The following PRKN variants were observed in gnomAD, a reference collection of about 807,000 sequenced individuals.
The protein encoded by PRKN is E3 ubiquitin-protein ligase parkin.
In PRKN, 56 loss-of-function variants were observed where a neutral mutation model predicts 59.5. The observed-to-expected ratio is 0.94, with a 90% CI of 0.76 to 1.18. PRKN has a LOEUF of 1.18. PRKN is among the 50% of genes most tolerant of loss of function. PRKN has a pLI of 0.00. For synonymous variants in PRKN, 250 were observed against 222.1 expected (o/e 1.13, Z -1.12); for missense variants, 657 against 596.4 (o/e 1.10, Z -1.06).
intron 6 of PRKN, among the ~76,000 whole-genome samples, chr6:161,920,593 T>C (rs1208008494): frequency 6.6e-6 from 1 of 151,946 alleles, no homozygotes; most frequent in African/African-American, 2.4e-5. Context: ...GAGACCATCC[T>C]GGCCAACATG....
At chr6:162,530,981 C>T (rs556530007) in intron 1 of PRKN, among the ~76,000 whole-genome samples, 25 of 143,886 alleles carry the variant, frequency 1.7e-4, no homozygotes, top group South Asian at 6.7e-4. Context: ...TGCTTGAACC[C>T]GGGAGGCGGA....
At chr6:162,305,417 T>G (rs1351352309) in intron 2 of PRKN, among the ~76,000 whole-genome samples, 2 of 152,098 alleles carry the variant, frequency 1.3e-5, no homozygotes, top group Non-Finnish European at 2.9e-5. Flanking sequence ...GCTTTTTTTT[T>G]AAAGTTGTGA....
At chr6:162,166,328 G>A (rs1782988852) in intron 4 of PRKN, among the ~76,000 whole-genome samples, 1 of 152,106 alleles carries the variant, frequency 6.6e-6, no homozygotes, top group Non-Finnish European at 1.5e-5. Flanking sequence ...TGACCCTTTA[G>A]AAGGCAGAAA....
At chr6:162,441,645 CATAA>C (rs1470283950) in intron 2 of PRKN, among the ~76,000 whole-genome samples, 6 of 152,084 alleles carry the variant, frequency 3.9e-5, no homozygotes, top group Admixed American at 2.0e-4. Flanking sequence ...TTTTAGGGCT[CATAA>C]ATAAAGAGCA....
At chr6:162,393,400 T>C (rs1787313641) in intron 2 of PRKN, among the ~76,000 whole-genome samples, 1 of 152,016 alleles carries the variant, frequency 6.6e-6, no homozygotes, top group Non-Finnish European at 1.5e-5. Context: ...GACCTCGTGA[T>C]CCACCTGTCT....
intron 5 of PRKN, among the ~76,000 whole-genome samples, chr6:162,009,595 A>G (rs1291479067): frequency 6.6e-6 from 1 of 151,826 alleles, no homozygotes; most frequent in African/African-American, 2.4e-5. Context: ...CACACTAAAT[A>G]TAAAAATTGC....
At chr6:161,476,057 G>A (rs542950411) in intron 9 of PRKN, among the ~76,000 whole-genome samples, 1 of 151,804 alleles carries the variant, frequency 6.6e-6, no homozygotes, top group African/African-American at 2.4e-5. Flanking sequence ...CGTGGTGGCG[G>A]GCGCCTGTAG....
At chr6:161,673,278 G>A (rs947890237) in intron 7 of PRKN, among the ~76,000 whole-genome samples, 2 of 152,146 alleles carry the variant, frequency 1.3e-5, no homozygotes, top group Non-Finnish European at 2.9e-5. Flanking sequence ...GCGGGGTGGG[G>A]GCTGGGAATG....
chr6:162,242,563 G>C (rs1319607059), intron 3 of PRKN, among the ~76,000 whole-genome samples: 3 of 152,056 alleles, frequency 2.0e-5, no homozygotes, highest in African/African-American at 7.2e-5. Flanking sequence ...AATGCCTCTT[G>C]AACAACAATC....
chr6:161,492,298 T>C (rs1399115348), intron 9 of PRKN, among the ~76,000 whole-genome samples: 1 of 152,220 alleles, frequency 6.6e-6, no homozygotes, highest in Non-Finnish European at 1.5e-5. Flanking sequence ...GGTCTCCTGG[T>C]AGGACAAGAC....
At chr6:162,378,302 C>A (rs1786233755) in intron 2 of PRKN, among the ~76,000 whole-genome samples, 2 of 152,214 alleles carry the variant, frequency 1.3e-5, no homozygotes, top group African/African-American at 4.8e-5. Flanking sequence ...GTCTCTCGTT[C>A]TTCCTAAATC....
rs540356694 is a variant in PRKN at position 162,538,733 on chromosome 6, A to G, written c.8-95260T>C. 4.6e-5 allele frequency among the ~76,000 whole-genome samples: 7 copies of G among 152,322 alleles called. No homozygotes were observed. The South Asian group carries it at 1.4e-3, about 32-fold the overall frequency. On this transcript the variant is annotated intron_variant, in intron 1 of 11. Coordinates refer to ENST00000366898, the MANE Select transcript of PRKN (RefSeq NM_004562.3). ...GGCTCTCTTGTAAAGAGGTGAGAAA[A>G]GATTTCAAAAAGCACTGTCGTCAGC...
chr6:162,262,732 T>C lies in PRKN; in HGVS notation c.205A>G (p.Ile69Val), dbSNP rs766391627. 1.5e-5 allele frequency: 24 copies of C among 1,602,644 alleles called. No homozygotes were observed. The South Asian group carries it at 1.9e-4, about 12-fold the overall frequency. ...CCTTTTCTCCACGGTCTCTGCACAA[T>C]GTGAACAATGCTCTGCTGATCCAGG... is the stretch of plus-strand genomic sequence containing the variant. ...CDLDQQSIVHIVQRPWRKGQE... is the reference protein window; with the variant it reads ...CDLDQQSIVHVVQRPWRKGQE... Residue 69 changes from isoleucine (I) to valine (V), a missense_variant, in exon 3 of 12, where the codon ATT becomes GTT. Coordinates refer to ENST00000366898, the MANE Select transcript of PRKN (RefSeq NM_004562.3).
At chr6:162,151,752 G>A (rs1782279888) in intron 4 of PRKN, among the ~76,000 whole-genome samples, 1 of 152,192 alleles carries the variant, frequency 6.6e-6, no homozygotes, top group South Asian at 2.1e-4. Flanking sequence ...GACAGGGTAT[G>A]TGAAAAAGTT....
At chr6:162,351,410 C>A (rs960216480) in intron 2 of PRKN, among the ~76,000 whole-genome samples, 3 of 152,062 alleles carry the variant, frequency 2.0e-5, no homozygotes, top group East Asian at 3.9e-4. Context: ...AAATTGAATA[C>A]CTTTTAATTA....
In PRKN at chr6:161,760,511, T is replaced by C. The variant is rs929613303; in HGVS notation, c.871+25261A>G. Among the ~76,000 whole-genome samples the C allele has an allele frequency of 1.7e-4, 26 of 152,036 alleles. 1 individual carries two copies. In the South Asian group the frequency reaches 5.0e-3, roughly 29 times the overall value. ...CTGCCCTCTGCAGTGGGGAGGAGCC[T>C]GGCCCCTCCTCCTCCTGTGTGGAAC... is the stretch of plus-strand genomic sequence containing the variant. On this transcript the variant is annotated intron_variant, in intron 7 of 11. Transcript: ENST00000366898.
At chr6:161,681,976 C>A (rs371122593) in intron 7 of PRKN, among the ~76,000 whole-genome samples, 2 of 152,214 alleles carry the variant, frequency 1.3e-5, no homozygotes, top group African/African-American at 4.8e-5. Flanking sequence ...CGCAGTTCCC[C>A]AAGTCTCCTG....
chr6:161,885,664 C>CAA (rs57209835), intron 6 of PRKN, among the ~76,000 whole-genome samples: 17 of 114,188 alleles, frequency 1.5e-4, no homozygotes, highest in Non-Finnish European at 2.7e-4. Flanking sequence ...GACTCTGTCT[C>CAA]AAAAAAAAAA....
chr6:161,657,256 G>A (rs920700832), intron 7 of PRKN, among the ~76,000 whole-genome samples: 5 of 152,114 alleles, frequency 3.3e-5, no homozygotes, highest in Non-Finnish European at 5.9e-5. Context: ...GCTCTGGATC[G>A]CCCATGCCGC....
Sources: allele counts gnomAD v4.1 joint callset (sites outside exome capture counted in the v4.1 genomes callset), GRCh38; gene constraint gnomAD v4.1.1; transcripts MANE v1.5; gene names NCBI Gene and HGNC (gene_info 2026-07-23, HGNC 2026-07-21).